ARMC5: variants seen among roughly 807,000 people sequenced by gnomAD.
ARMC5 encodes armadillo repeat containing 5, also known as armadillo repeat-containing protein 5.
ARMC5 carries 28 observed loss-of-function variants against 60.5 expected under a neutral mutation model. The ratio of observed to expected loss-of-function variants is 0.46; its 90% CI spans 0.34 to 0.63. The LOEUF (loss-of-function observed/expected upper bound fraction) is 0.63, where lower values mean the gene tolerates loss of function less well. Ranked by LOEUF, ARMC5 falls within the 30% of genes least tolerant of loss-of-function variation. ARMC5 has a pLI of 0.01. For missense variants in ARMC5, 1,189 were observed against 1,304.9 expected (o/e 0.91, Z 1.37); for synonymous variants, 680 against 607.3 (o/e 1.12, Z -1.76).
rs1388847445 is a variant in ARMC5, at chr16:31,460,007, C to T, written c.475+8C>T. ...GAGGCATACTCCCTTTGGGTAAGTG[C>T]TCCGCCCCCGTTTCCTAGAAAGATT... is the stretch of plus-strand genomic sequence containing the variant. On this transcript the variant is annotated splice_region_variant and intron_variant, in intron 1 of 5. Transcript: ENST00000268314. 3.8e-6 allele frequency: 6 copies of T among 1,594,214 alleles called. No individual in the cohort carries two copies. The South Asian group carries it at 4.4e-5, about 12-fold the overall frequency.
In ARMC5 at chr16:31,462,362, C is replaced by T; in HGVS notation, c.815C>T (p.Ala272Val). The change falls in exon 3 of 6, where the codon GCC becomes GTC. Residue 272 changes from alanine (A) to valine (V), a missense_variant. By Grantham distance (64) the Ala-to-Val change is moderately conservative. Coordinates refer to ENST00000268314, the MANE Select transcript of ARMC5 (RefSeq NM_001105247.2). The surrounding 1 kb of genome is among the most constrained non-coding windows in gnomAD (Gnocchi z 7.2). ...GAACTCAGCCGAGGCTGCTCCCGGG[C>T]CTGTGCTGAGCAGCTAAGTCTGGGT... ...LLELSRGCSR[A>V]CAEQLSLGGG... 6.2e-7 allele frequency: 1 copy of T among 1,610,336 alleles called. No homozygotes were observed. Among genetic ancestry groups the T allele is most frequent in the Non-Finnish European group, 8.5e-7 (1 of 1,178,288 alleles).
chr16:31,459,908 G>C lies in ARMC5; in HGVS notation c.384G>C (p.Thr128=). The C allele has an allele frequency of 1.2e-6, 2 of 1,606,278 alleles. No individual in the cohort carries two copies. Among genetic ancestry groups the C allele is most frequent in the South Asian group, 1.1e-5 (1 of 91,044 alleles). ...SPTPPVRLRK[T]LDLALSILAD... is the part of the protein sequence containing the mutation. ...CGCCGCCAGTGCGCCTGCGCAAGACGCTGGACTTGGCGCTCAGCATCCTAG... is the reference window on the plus strand; with the variant it reads ...CGCCGCCAGTGCGCCTGCGCAAGACCCTGGACTTGGCGCTCAGCATCCTAG... Residue 128 remains threonine, a synonymous_variant, in exon 1 of 6, where the codon ACG becomes ACC. Coordinates refer to ENST00000268314, the MANE Select transcript of ARMC5 (RefSeq NM_001105247.2).
upstream of ARMC5, chr16:31,459,100 C>T (rs1428190912): frequency 3.4e-6 from 5 of 1,481,058 alleles, no homozygotes; most frequent in Middle Eastern, 2.1e-4. Context: ...GGCCGCACCA[C>T]CGCTGGGGGG....
At chr16:31,463,984 C>G (rs1442824994) in intron 3 of ARMC5, among the ~76,000 whole-genome samples, 1 of 152,168 alleles carries the variant, frequency 6.6e-6, no homozygotes, top group African/African-American at 2.4e-5. Flanking sequence ...TCTCCCCTGG[C>G]TTTACCTCCC....
rs770918161 is a variant in ARMC5, at chr16:31,459,619, A to C, written c.95A>C (p.Asp32Ala). The change falls in exon 1 of 6, where the codon GAC (aspartate) becomes GCC (alanine). Residue 32 changes from aspartate to alanine, a missense_variant. Asp to Ala is a moderately radical substitution (Grantham distance 126). Around this residue, in one of 2 missense-constraint regions of ARMC5, gnomAD observed 327 missense variants for 233.7 expected, o/e 1.40. Transcript: ENST00000268314. ...GGGGAGGCTCTGGGTGGGGAAAAGG[A>C]CCCAGCGACCAACGAGACACCCCTG... Reference protein sequence around the residue: ...AAGEALGGEKDPATNETPLSR... With the variant: ...AAGEALGGEKAPATNETPLSR... 1 of 1,598,474 alleles carries C rather than the reference A, an allele frequency of 6.3e-7. No homozygotes were observed.
In ARMC5 at chr16:31,464,805, C is replaced by G; in HGVS notation, c.1782C>G (p.Ala594=). Residue 594 remains alanine (A), a synonymous_variant, in exon 4 of 6, where the codon GCC becomes GCG. Coordinates refer to ENST00000268314, the MANE Select transcript of ARMC5 (RefSeq NM_001105247.2). This position sits in a 1 kb window ranked among gnomAD's most constrained non-coding sequence, Gnocchi z 7.6. ...GCTATGGCGCGGCGCTGCTGCGGGC[C>G]TGGCTGGTGCTGGGGGTGGCGCCTG... ...VRSYGAALLR[A]WLVLGVAPDD... 6.3e-7 allele frequency: 1 copy of G among 1,597,876 alleles called. No individual in the cohort carries two copies. Among genetic ancestry groups the G allele is most frequent in the South Asian group, 1.1e-5 (1 of 90,780 alleles).
rs756248578 is a variant in ARMC5, at chr16:31,459,853, C to T, written c.329C>T (p.Ala110Val). Residue 110 changes from alanine to valine, a missense_variant, in exon 1 of 6, where the codon GCC (alanine) becomes GTC (valine). This residue lies in a region of ARMC5 where 327 missense variants were observed against 233.7 expected (regional missense o/e 1.40). Coordinates refer to ENST00000268314, the MANE Select transcript of ARMC5 (RefSeq NM_001105247.2). ...ASSPAPASGP[A>V]PSAVSSSSPT... is the part of the protein sequence containing the mutation. ...AGCCCCGCCCCCGCGTCGGGCCCCG[C>T]CCCCTCCGCTGTGTCGTCGTCTAGT... 6 of 1,591,346 alleles carry T rather than the reference C, an allele frequency of 3.8e-6. No individual in the cohort carries two copies. Among genetic ancestry groups the T allele is most frequent in the East Asian group, 2.3e-5 (1 of 44,236 alleles).
Position 31,467,049 on chromosome 16 carries a change from C to G in ARMC5, c.*160C>G. The G allele has an allele frequency of 9.9e-7, 1 of 1,014,332 alleles. No homozygotes were observed. Among genetic ancestry groups the G allele is most frequent in the Non-Finnish European group, 1.3e-6 (1 of 749,366 alleles). 62.8% of individuals were successfully genotyped at this position (1,014,332 alleles called of 1,614,324 possible). ...AGATGACGATCTAAAGACCCGGGAG[C>G]GAGAAGCCAAGGCCAGGTTCTGGGT... On this transcript the variant is annotated 3_prime_UTR_variant, in exon 6 of 6. Coordinates refer to ENST00000268314, the MANE Select transcript of ARMC5 (RefSeq NM_001105247.2).
Position 31,465,920 on chromosome 16 carries a change from G to A in ARMC5, c.1935G>A (p.Leu645=), listed in dbSNP as rs1240081867. ...TTGGGGTTGGGGCCCTGACGCACCTGCTGCTCTCTGGGAGCCCTGAGGACC... is the reference window on the plus strand; with the variant it reads ...TTGGGGTTGGGGCCCTGACGCACCTACTGCTCTCTGGGAGCCCTGAGGACC... ...SPFGVGALTH[L]LLSGSPEDRV... is the part of the protein sequence containing the mutation. The change falls in exon 5 of 6, where the codon CTG becomes CTA. Residue 645 remains leucine (L), a synonymous_variant. Transcript: ENST00000268314. The A allele has an allele frequency of 2.5e-6, 4 of 1,608,222 alleles. No homozygotes were observed. In the African/African-American group the frequency reaches 4.0e-5, roughly 16 times the overall value.
chr16:31,467,049 C>T lies in ARMC5; in HGVS notation c.*160C>T, dbSNP rs942796841. ...AGATGACGATCTAAAGACCCGGGAG[C>T]GAGAAGCCAAGGCCAGGTTCTGGGT... On this transcript the variant is annotated 3_prime_UTR_variant, in exon 6 of 6. Coordinates refer to ENST00000268314, the MANE Select transcript of ARMC5 (RefSeq NM_001105247.2). 58 of 1,014,214 alleles carry T rather than the reference C, an allele frequency of 5.7e-5. 1 individual carries two copies. The highest frequency in any genetic ancestry group is 3.3e-4 in the Middle Eastern group (1 of 3,046). 62.8% of individuals were successfully genotyped at this position (1,014,214 alleles called of 1,614,324 possible).
rs2082313815 is a variant in ARMC5 at position 31,462,571 on chromosome 16, C to T, written c.1024C>T (p.Pro342Ser). The T allele has an allele frequency of 1.2e-6, 2 of 1,612,074 alleles. No individual in the cohort carries two copies. The highest frequency in any genetic ancestry group is 1.7e-6 in the Non-Finnish European group (2 of 1,179,910). ...RQRRDPNGASPTSQQPLVRAV... is the reference protein window; with the variant it reads ...RQRRDPNGASSTSQQPLVRAV... ...GCGCCGGGATCCTAATGGAGCTAGCCCAACCTCCCAGCAGCCCCTGGTGCG... is the reference window on the plus strand; with the variant it reads ...GCGCCGGGATCCTAATGGAGCTAGCTCAACCTCCCAGCAGCCCCTGGTGCG... The change falls in exon 3 of 6, where the codon CCA becomes TCA. Residue 342 changes from proline (P) to serine (S), a missense_variant. Physicochemically the swap from Pro to Ser is moderately conservative, Grantham distance 74. Around this residue, in one of 2 missense-constraint regions of ARMC5, gnomAD observed 862 missense variants for 1,071.2 expected, o/e 0.80. Transcript: ENST00000268314. This position sits in a 1 kb window ranked among gnomAD's most constrained non-coding sequence, Gnocchi z 7.2.
At position 31,459,674 on chromosome 16, in the gene ARMC5, C is replaced by T; in HGVS notation, c.150C>T (p.Arg50=). ...LSRALLALRT[R]HIKAAGGIER... is the part of the protein sequence containing the mutation. The stretch of plus-strand genomic sequence containing the variant: ...GCGCGCTCCTAGCCCTCCGCACGCG[C>T]CACATCAAGGCAGCGGGGGGAATCG... The change falls in exon 1 of 6, where the codon CGC becomes CGT. Residue 50 remains arginine (R), a synonymous_variant. Transcript: ENST00000268314. The T allele has an allele frequency of 6.3e-7, 1 of 1,581,602 alleles. No individual in the cohort carries two copies. Among genetic ancestry groups the T allele is most frequent in the African/African-American group, 1.4e-5 (1 of 73,532 alleles).
upstream of ARMC5, chr16:31,458,724 C>CAGGG (rs1165503035): frequency 6.8e-7 from 1 of 1,469,064 alleles, no homozygotes; most frequent in African/African-American, 1.4e-5. Flanking sequence ...CCTCGCAATC[C>CAGGG]AGGGGTGACC....
chr16:31,460,222 A>G (rs2082292961), intron 1 of ARMC5: 2 of 535,786 alleles, frequency 3.7e-6, no homozygotes, highest in East Asian at 7.2e-5. Flanking sequence ...TTATCTAGGA[A>G]TTGGTTGTTG....
chr16:31,460,223 T>C, intron 1 of ARMC5: 1 of 534,950 alleles, frequency 1.9e-6, no homozygotes, highest in Non-Finnish European at 3.2e-6. Flanking sequence ...TATCTAGGAA[T>C]TGGTTGTTGA....
In ARMC5 at chr16:31,464,981, AC is replaced by A; in HGVS notation, c.1864+96del. The A allele has an allele frequency of 6.2e-7, 1 of 1,608,698 alleles. No individual in the cohort carries two copies. Among genetic ancestry groups the A allele is most frequent in the African/African-American group, 1.3e-5 (1 of 74,358 alleles). On this transcript the variant is annotated intron_variant, in intron 4 of 5. Coordinates refer to ENST00000268314, the MANE Select transcript of ARMC5 (RefSeq NM_001105247.2). This position sits in a 1 kb window ranked among gnomAD's most constrained non-coding sequence, Gnocchi z 7.6. ...GGCCCAGAACCTCACCTTCCCACTC[AC>A]CTGTCCTCCCCAGCCCGTCCTCCAG...
intron 1 of ARMC5, 82 bp from the exon 2 acceptor site, chr16:31,461,840 C>A: frequency 1.5e-6 from 2 of 1,321,242 alleles, no homozygotes; most frequent in Non-Finnish European, 1.1e-6. Flanking sequence ...CCTTCCAGGC[C>A]CTCTCAGGCC....
Position 31,464,656 on chromosome 16 carries a change from G to A in ARMC5, c.1633G>A (p.Gly545Ser), listed in dbSNP as rs963272909. 11 of 1,598,286 alleles carry A rather than the reference G, an allele frequency of 6.9e-6. No homozygotes were observed. The highest frequency in any genetic ancestry group is 4.5e-5 in the East Asian group (2 of 44,750). The change falls in exon 4 of 6, where the codon GGC becomes AGC. Residue 545 changes from glycine (G) to serine (S), a missense_variant. Coordinates refer to ENST00000268314, the MANE Select transcript of ARMC5 (RefSeq NM_001105247.2). This position sits in a 1 kb window ranked among gnomAD's most constrained non-coding sequence, Gnocchi z 7.6. ...TGACCCAAGTGGGGCACTTGTGACC[G>A]GCCCGGCGCTGTACGGCCTGCTGAC... ...APDPSGALVT[G>S]PALYGLLTYV...
At chr16:31,458,919 C>T (rs1183424048), upstream of ARMC5, 2 of 1,535,662 alleles carry the variant, frequency 1.3e-6, no homozygotes, top group South Asian at 1.2e-5. Flanking sequence ...GGGTCCAGCT[C>T]CGGAAACGGA....
Sources: gnomAD v4.1 joint callset for allele counts (sites outside exome capture counted in the v4.1 genomes callset) on GRCh38, gnomAD v4.1.1 for gene constraint, gnomAD v4.1.1 regional missense constraint, Gnocchi (gnomAD v3.1) non-coding constraint, MANE v1.5 for transcripts, NCBI Gene and HGNC (gene_info 2026-07-23, HGNC 2026-07-21) for gene names.